The following GYPC variants were observed in gnomAD, a reference collection of about 807,000 sequenced individuals.
GYPC encodes the protein glycophorin C (Gerbich blood group).
GYPC carries 14 observed loss-of-function variants against 12.6 expected under a neutral mutation model. That is an observed-to-expected ratio of 1.11 (90% CI 0.74 to 1.74). The LOEUF is 1.74. Ranked by LOEUF, GYPC falls within the 40% of genes most tolerant of loss-of-function variation. The pLI is 0.00. For synonymous variants in GYPC, 78 were observed against 62.1 expected (o/e 1.26, Z -1.20); for missense variants, 225 against 172.1 (o/e 1.31, Z -1.72).
intron 1 of GYPC, among the ~76,000 whole-genome samples, chr2:126,656,728 T>C (rs562851943): frequency 1.3e-5 from 2 of 152,236 alleles, no homozygotes; most frequent in African/African-American, 2.4e-5. Context: ...CCGGCCAGGC[T>C]CCGGTGAACT....
intron 1 of GYPC, among the ~76,000 whole-genome samples, chr2:126,686,853 C>T (rs550159783): frequency 3.9e-5 from 6 of 152,172 alleles, no homozygotes; most frequent in South Asian, 2.1e-4. Context: ...CAAGGCTGCC[C>T]GCAGATCACC....
At chr2:126,657,536 T>C (rs1192817802) in intron 1 of GYPC, 1 of 152,244 alleles carries the variant, frequency 6.6e-6, no homozygotes, top group Non-Finnish European at 1.5e-5. Flanking sequence ...CATGTTTATA[T>C]AATTGCACAT....
chr2:126,665,443 C>T (rs1682651092), intron 1 of GYPC, among the ~76,000 whole-genome samples: 1 of 152,172 alleles, frequency 6.6e-6, no homozygotes, highest in Admixed American at 6.5e-5. Flanking sequence ...TTCAGGCATC[C>T]GCTGGGGGTC....
At chr2:126,676,607 T>G (rs972215623) in intron 1 of GYPC, among the ~76,000 whole-genome samples, 1 of 152,216 alleles carries the variant, frequency 6.6e-6, no homozygotes, top group Admixed American at 6.5e-5. Context: ...TATGGCTTCT[T>G]TGCCTTTAAA....
At chr2:126,667,168 G>A (rs1267387472) in intron 1 of GYPC, among the ~76,000 whole-genome samples, 2 of 151,984 alleles carry the variant, frequency 1.3e-5, no homozygotes, top group Non-Finnish European at 2.9e-5. Context: ...TAGAGACAGA[G>A]GATTTAGAGA....
chr2:126,696,116 A>T lies in GYPC; in HGVS notation c.361A>T (p.Ser121Cys). The change falls in exon 4 of 4, where the codon AGC becomes TGC. Residue 121 changes from serine to cysteine, a missense_variant. Physicochemically the swap from Ser to Cys is moderately radical, Grantham distance 112. Coordinates refer to ENST00000259254, the MANE Select transcript of GYPC (RefSeq NM_002101.5). ...CCCTGCCCTCCAAGATGCTGGTGATAGCAGCAGAAAGGAGTACTTTATTTG... is the reference window on the plus strand; with the variant it reads ...CCCTGCCCTCCAAGATGCTGGTGATTGCAGCAGAAAGGAGTACTTTATTTG... ...GDPALQDAGD[S>C]SRKEYFI 1 of 1,613,904 alleles carries T rather than the reference A, an allele frequency of 6.2e-7. No individual in the cohort carries two copies.
chr2:126,688,137 C>A (rs1391259493), intron 1 of GYPC, among the ~76,000 whole-genome samples: 2 of 152,150 alleles, frequency 1.3e-5, no homozygotes, highest in African/African-American at 4.8e-5. Flanking sequence ...GAGAGCAGCA[C>A]CTGGCATTTA....
intron 1 of GYPC, among the ~76,000 whole-genome samples, chr2:126,665,847 G>A (rs1401421700): frequency 6.6e-6 from 1 of 152,196 alleles, no homozygotes; most frequent in African/African-American, 2.4e-5. Flanking sequence ...GACAAAAAGT[G>A]AGGCTCAAAG....
At chr2:126,692,825 G>T (rs1485068706) in intron 2 of GYPC, among the ~76,000 whole-genome samples, 3 of 152,270 alleles carry the variant, frequency 2.0e-5, no homozygotes, top group African/African-American at 7.2e-5. Flanking sequence ...CCCTGGGAAG[G>T]GCTTCTCCAA....
rs1189513213 is a variant in GYPC at position 126,696,406 on chromosome 2, T to C, written c.*264T>C. ...TGCTCCACGGAGGTGGGAGAAAATC[T>C]GGGCACATGGGGCCCCCTGGGCAGT... is the stretch of plus-strand genomic sequence containing the variant. On this transcript the variant is annotated 3_prime_UTR_variant, in exon 4 of 4. Coordinates refer to ENST00000259254, the MANE Select transcript of GYPC (RefSeq NM_002101.5). 4 of 474,822 alleles carry C rather than the reference T, an allele frequency of 8.4e-6. No homozygotes were observed. Among genetic ancestry groups the C allele is most frequent in the Admixed American group, 3.3e-5 (1 of 29,902 alleles). 29.4% of individuals were successfully genotyped at this position (474,822 alleles called of 1,614,324 possible). A position where few individuals can be genotyped will look rare whatever the true frequency, so the allele number is the denominator to read the frequency against.
At chr2:126,677,543 A>G (rs13006171) in intron 1 of GYPC, among the ~76,000 whole-genome samples, 13,883 of 136,040 alleles carry the variant, frequency 0.1, 702 homozygotes, top group Middle Eastern at 0.18. Context: ...GTCTGTGTGT[A>G]TGTGAGTGTG....
At chr2:126,671,523 T>C (rs1682855789) in intron 1 of GYPC, among the ~76,000 whole-genome samples, 1 of 152,132 alleles carries the variant, frequency 6.6e-6, no homozygotes, top group African/African-American at 2.4e-5. Context: ...GAGGCCATCA[T>C]TAGATTTGGA....
Position 126,696,177 on chromosome 2 carries a change from C to G in GYPC, c.*35C>G. 1 of 1,485,268 alleles carries G rather than the reference C, an allele frequency of 6.7e-7. No homozygotes were observed. The highest frequency in any genetic ancestry group is 9.4e-7 in the Non-Finnish European group (1 of 1,064,974). 92.0% of individuals were successfully genotyped at this position (1,485,268 alleles called of 1,614,324 possible). Reference sequence around the variant, plus strand: ...GACTTCACTTCCCTGAATGCCTCCCCCATCTCCATCAGGAAAAATACACCC... The same window carrying G: ...GACTTCACTTCCCTGAATGCCTCCCGCATCTCCATCAGGAAAAATACACCC... On this transcript the variant is annotated 3_prime_UTR_variant, in exon 4 of 4. Transcript: ENST00000259254.
intron 1 of GYPC, among the ~76,000 whole-genome samples, chr2:126,689,476 G>A (rs1342659461): frequency 3.8e-4 from 58 of 151,582 alleles, no homozygotes; most frequent in African/African-American, 1.3e-3. Context: ...TTGAAATTTG[G>A]TTCCCAAGGT....
chr2:126,663,186 T>C (rs567000735), intron 1 of GYPC, among the ~76,000 whole-genome samples: 4 of 152,250 alleles, frequency 2.6e-5, no homozygotes, highest in African/African-American at 7.2e-5. Context: ...TACAGACATG[T>C]GCCACCACGC....
intron 2 of GYPC, among the ~76,000 whole-genome samples, chr2:126,692,205 C>G (rs756354577): frequency 6.6e-6 from 1 of 152,086 alleles, no homozygotes; most frequent in Admixed American, 6.6e-5. Flanking sequence ...TCCTGGCTCC[C>G]GAGACCCAGA....
chr2:126,677,702 G>T (rs182948808), intron 1 of GYPC, among the ~76,000 whole-genome samples: 1 of 152,086 alleles, frequency 6.6e-6, no homozygotes, highest in Non-Finnish European at 1.5e-5. Context: ...GTAATCCTTC[G>T]CTAGGGATGA....
At chr2:126,668,461 TC>T (rs1471027973) in intron 1 of GYPC, among the ~76,000 whole-genome samples, 6 of 152,202 alleles carry the variant, frequency 3.9e-5, no homozygotes, top group African/African-American at 1.4e-4. Flanking sequence ...TCTCAGATGA[TC>T]CCTCCATAGC....
intron 2 of GYPC, 76 bp downstream of exon 2, chr2:126,690,387 T>C (rs36131739): frequency 1.9e-5 from 21 of 1,101,820 alleles, no homozygotes; most frequent in Admixed American, 5.1e-5. Context: ...CAGAGCCCTT[T>C]AAGCAGCCAG....
Sources: gnomAD v4.1 joint callset for allele counts (sites outside exome capture counted in the v4.1 genomes callset) on GRCh38, gnomAD v4.1.1 for gene constraint, MANE v1.5 for transcripts, NCBI Gene and HGNC (gene_info 2026-07-23, HGNC 2026-07-21) for gene names.